Variants in GRM3 observed in about 807,000 individuals in gnomAD.
The protein encoded by GRM3 is glutamate metabotropic receptor 3.
A neutral mutation model predicts 70.5 loss-of-function variants in GRM3; 26 were observed. The ratio of observed to expected loss-of-function variants is 0.37; its 90% CI spans 0.27 to 0.51. GRM3 has a LOEUF of 0.51. Ranked by LOEUF, GRM3 falls within the 20% of genes least tolerant of loss-of-function variation. The pLI is 0.93. For missense variants in GRM3, 859 were observed against 1,123.8 expected (o/e 0.76, Z 3.37); for synonymous variants, 443 against 434.9 (o/e 1.02, Z -0.23).
Position 86,786,955 on chromosome 7 carries a change from C to T in GRM3, c.1163C>T (p.Ser388Phe). The T allele has an allele frequency of 6.2e-7, 1 of 1,614,180 alleles. No homozygotes were observed. Among genetic ancestry groups the T allele is most frequent in the Non-Finnish European group, 8.5e-7 (1 of 1,179,982 alleles). ...GACAGCAGCAACTACGAGCAAGAGT[C>T]CAAGATCATGTTTGTGGTGAACGCG... ...AIDSSNYEQESKIMFVVNAVY... is the reference protein window; with the variant it reads ...AIDSSNYEQEFKIMFVVNAVY... Residue 388 changes from serine (S) to phenylalanine (F), a missense_variant, in exon 3 of 6, where the codon TCC becomes TTC. Transcript: ENST00000361669. The surrounding 1 kb of genome is among the most constrained non-coding windows in gnomAD (Gnocchi z 6.0).
At chr7:86,772,903 A>G (rs1384211767) in intron 2 of GRM3, among the ~76,000 whole-genome samples, 1 of 152,114 alleles carries the variant, frequency 6.6e-6, no homozygotes, top group East Asian at 1.9e-4. Context: ...GAAAAATTTC[A>G]ACACAGTGAT....
chr7:86,763,670 C>G (rs1796533096), intron 1 of GRM3, among the ~76,000 whole-genome samples: 1 of 152,096 alleles, frequency 6.6e-6, no homozygotes, highest in Non-Finnish European at 1.5e-5. Flanking sequence ...TGTGTGCACC[C>G]CAGCACTGGC....
intron 1 of GRM3, among the ~76,000 whole-genome samples, chr7:86,681,970 A>G (rs1373972900): frequency 6.6e-6 from 1 of 152,194 alleles, no homozygotes; most frequent in Non-Finnish European, 1.5e-5. Flanking sequence ...TTCGTAGATC[A>G]GTTACGTTGC....
chr7:86,694,426 G>A (rs778225874), intron 1 of GRM3, among the ~76,000 whole-genome samples: 8 of 148,392 alleles, frequency 5.4e-5, no homozygotes, highest in Non-Finnish European at 1.2e-4. Context: ...GAAAGAGAAT[G>A]GTGTGAACCC....
At chr7:86,858,604 C>T (rs1798895649) in intron 5 of GRM3, among the ~76,000 whole-genome samples, 2 of 152,162 alleles carry the variant, frequency 1.3e-5, no homozygotes, top group Non-Finnish European at 2.9e-5. Context: ...GCCTTCAGAA[C>T]CATGAGCTAA....
chr7:86,777,037 T>C (rs1414859717), intron 2 of GRM3, among the ~76,000 whole-genome samples: 1 of 152,144 alleles, frequency 6.6e-6, no homozygotes, highest in Non-Finnish European at 1.5e-5. Context: ...TAAATCTGGA[T>C]GGAAAGAAAG....
At position 86,733,201 on chromosome 7, in the gene GRM3, C is replaced by T. The variant is rs139674304; in HGVS notation, c.-140-31805C>T. Among the ~76,000 whole-genome samples, 52 of 151,794 alleles carry T rather than the reference C, an allele frequency of 3.4e-4. 2 individuals carry two copies. The East Asian group carries it at 8.7e-3, about 26-fold the overall frequency. On this transcript the variant is annotated intron_variant, in intron 1 of 5. Coordinates refer to ENST00000361669, the MANE Select transcript of GRM3 (RefSeq NM_000840.3). ...TGCTGGCAGGCATCTGTGGTCCCAG[C>T]TACTTGGGAGGCTGAGGTAGGAAAA...
At chr7:86,834,461 C>T (rs983425568) in intron 3 of GRM3, among the ~76,000 whole-genome samples, 3 of 152,042 alleles carry the variant, frequency 2.0e-5, no homozygotes, top group Admixed American at 1.3e-4. Flanking sequence ...CATTCTTGTT[C>T]CCTGAATATT....
Position 86,685,632 on chromosome 7 carries a change from C to T in GRM3, c.-141+40760C>T, listed in dbSNP as rs144538040. Among the ~76,000 whole-genome samples the T allele has an allele frequency of 5.6e-4, 86 of 152,230 alleles. 3 individuals carry two copies. Among genetic ancestry groups the T allele is most frequent in the Admixed American group, 2.5e-3 (38 of 15,280 alleles). On this transcript the variant is annotated intron_variant, in intron 1 of 5. Coordinates refer to ENST00000361669, the MANE Select transcript of GRM3 (RefSeq NM_000840.3). ...TATAAAGGTATAAATGGGGGCCGGGCACGGTGGCTCACGCCTGTAATCCCA... is the reference window on the plus strand; with the variant it reads ...TATAAAGGTATAAATGGGGGCCGGGTACGGTGGCTCACGCCTGTAATCCCA...
intron 3 of GRM3, among the ~76,000 whole-genome samples, chr7:86,794,205 T>G (rs1426993691): frequency 2.0e-5 from 3 of 152,192 alleles, no homozygotes; most frequent in Non-Finnish European, 2.9e-5. Flanking sequence ...AACTTTGTCA[T>G]AGTAGAGTTA....
intron 1 of GRM3, among the ~76,000 whole-genome samples, chr7:86,673,119 A>G (rs1046323357): frequency 2.6e-5 from 4 of 152,126 alleles, no homozygotes; most frequent in Non-Finnish European, 4.4e-5. Context: ...ATATATTATC[A>G]TATTTCCATA....
At chr7:86,670,669 C>G (rs1385015515) in intron 1 of GRM3, among the ~76,000 whole-genome samples, 1 of 152,128 alleles carries the variant, frequency 6.6e-6, no homozygotes, top group Non-Finnish European at 1.5e-5. Context: ...TCTTAATCGT[C>G]TTGTACATAT....
intron 1 of GRM3, among the ~76,000 whole-genome samples, chr7:86,689,079 A>G (rs1794636148): frequency 6.6e-6 from 1 of 150,896 alleles, no homozygotes; most frequent in African/African-American, 2.4e-5. Flanking sequence ...ATATTGTAAG[A>G]CTAGTACAAA....
chr7:86,790,697 G>T (rs1797388858), intron 3 of GRM3, among the ~76,000 whole-genome samples: 1 of 151,992 alleles, frequency 6.6e-6, no homozygotes, highest in South Asian at 2.1e-4. Flanking sequence ...AGCCACCCTT[G>T]TTTCCAACAT....
intron 5 of GRM3, among the ~76,000 whole-genome samples, chr7:86,863,501 T>A (rs1798997396): frequency 6.6e-6 from 1 of 152,166 alleles, no homozygotes; most frequent in Non-Finnish European, 1.5e-5. Flanking sequence ...TCACTATTTG[T>A]CATTAACAAG....
intron 3 of GRM3, among the ~76,000 whole-genome samples, chr7:86,819,319 A>G (rs1050783030): frequency 1.3e-5 from 2 of 152,108 alleles, no homozygotes; most frequent in Non-Finnish European, 2.9e-5. Context: ...TTCCTTCTCA[A>G]ATCACACATT....
intron 5 of GRM3, among the ~76,000 whole-genome samples, chr7:86,853,120 G>A (rs538306912): frequency 4.6e-5 from 7 of 152,242 alleles, no homozygotes; most frequent in African/African-American, 1.7e-4. Context: ...TTTTCATACT[G>A]TAGACTGTAA....
chr7:86,679,293 A>T (rs978124723), intron 1 of GRM3, among the ~76,000 whole-genome samples: 2 of 152,126 alleles, frequency 1.3e-5, no homozygotes, highest in Non-Finnish European at 2.9e-5. Flanking sequence ...GCGATAAAAC[A>T]ATATACATAC....
chr7:86,727,715 A>G (rs1260303733), intron 1 of GRM3, among the ~76,000 whole-genome samples: 1 of 152,228 alleles, frequency 6.6e-6, no homozygotes, highest in African/African-American at 2.4e-5. Context: ...AGATTCAGTG[A>G]GAACTTACTG....
Sources: allele counts gnomAD v4.1 joint callset (sites outside exome capture counted in the v4.1 genomes callset), GRCh38; gene constraint gnomAD v4.1.1; non-coding constraint Gnocchi (gnomAD v3.1); transcripts MANE v1.5; gene names NCBI Gene and HGNC (gene_info 2026-07-23, HGNC 2026-07-21).